Variants in COMMD10 observed in about 807,000 individuals in gnomAD.
COMMD10 encodes the protein COMM domain-containing protein 10.
COMMD10 carries 33 observed loss-of-function variants against 28.9 expected under a neutral mutation model. That is an observed-to-expected ratio of 1.14 (90% CI 0.87 to 1.53). COMMD10 has a LOEUF of 1.53. Ranked by LOEUF, COMMD10 falls within the 40% of genes most tolerant of loss-of-function variation. COMMD10 has a pLI of 0.00. For missense variants in COMMD10, 310 were observed against 233.4 expected (o/e 1.33, Z -2.14); for synonymous variants, 110 against 81.7 (o/e 1.35, Z -1.87).
intron 5 of COMMD10, among the ~76,000 whole-genome samples, chr5:116,182,869 C>T (rs1157705900): frequency 6.6e-6 from 1 of 151,994 alleles, no homozygotes; most frequent in Non-Finnish European, 1.5e-5. Flanking sequence ...GCAGTTTCCC[C>T]CATGCTGTCC....
At chr5:116,229,039 T>G (rs1030248269) in intron 5 of COMMD10, among the ~76,000 whole-genome samples, 1 of 152,014 alleles carries the variant, frequency 6.6e-6, no homozygotes, top group Non-Finnish European at 1.5e-5. Context: ...TAGAGAAGTT[T>G]CACATTAGAA....
chr5:116,176,932 C>A (rs1753532744), intron 5 of COMMD10, among the ~76,000 whole-genome samples: 1 of 152,090 alleles, frequency 6.6e-6, no homozygotes, highest in Non-Finnish European at 1.5e-5. Context: ...AAAAGAACAA[C>A]TTGGAAGAGG....
chr5:116,287,909 C>T (rs1446046456), intron 5 of COMMD10, among the ~76,000 whole-genome samples: 1 of 151,730 alleles, frequency 6.6e-6, no homozygotes, highest in Non-Finnish European at 1.5e-5. Flanking sequence ...ATTACATGTA[C>T]ATTAATATAG....
intron 5 of COMMD10, among the ~76,000 whole-genome samples, chr5:116,259,646 G>A (rs1750387706): frequency 6.6e-6 from 1 of 151,724 alleles, no homozygotes; most frequent in Non-Finnish European, 1.5e-5. Context: ...TTTACTTCTT[G>A]TACTATGTAG....
intron 5 of COMMD10, among the ~76,000 whole-genome samples, chr5:116,150,174 C>T (rs953600467): frequency 2.0e-5 from 3 of 151,966 alleles, no homozygotes; most frequent in African/African-American, 4.8e-5. Flanking sequence ...TGTAGCTATG[C>T]AGTGTTACTT....
At chr5:116,170,945 A>G (rs917087306) in intron 5 of COMMD10, among the ~76,000 whole-genome samples, 3 of 152,192 alleles carry the variant, frequency 2.0e-5, no homozygotes, top group African/African-American at 7.2e-5. Flanking sequence ...TCATGGCTAA[A>G]ACACCAAAAG....
chr5:116,236,812 G>T lies in COMMD10; in HGVS notation c.511-54705G>T, dbSNP rs573248384. Among the ~76,000 whole-genome samples the T allele has an allele frequency of 3.2e-4, 49 of 152,188 alleles. No individual in the cohort carries two copies. In the Middle Eastern group the frequency reaches 0.01, roughly 32 times the overall value. On this transcript the variant is annotated intron_variant, in intron 5 of 6. Transcript: ENST00000274458. ...GTGAACCCTAATGTAAACTATGGAC[G>T]TTGGTTGATTATGATCTGTCAGTAT...
At chr5:116,105,217 CTTG>C (rs1291268346) in intron 4 of COMMD10, among the ~76,000 whole-genome samples, 5 of 152,102 alleles carry the variant, frequency 3.3e-5, no homozygotes, top group African/African-American at 1.2e-4. Flanking sequence ...TTGAGATAAT[CTTG>C]TTGTTTTTTC....
intron 1 of COMMD10, 193 bp downstream of exon 1, chr5:116,085,286 C>T (rs1750055231): frequency 3.4e-6 from 2 of 583,590 alleles, no homozygotes; most frequent in Non-Finnish European, 6.0e-6. Flanking sequence ...CCTCTACAGT[C>T]ACGGTGGTCC....
rs533790319 is a variant in COMMD10 at position 116,135,364 on chromosome 5, C to T, written c.510+1186C>T. 2.0e-5 allele frequency among the ~76,000 whole-genome samples: 3 copies of T among 152,246 alleles called. No homozygotes were observed. In the East Asian group the frequency reaches 5.8e-4, roughly 29 times the overall value. ...TGGCTTCTTTAAGAAGTATCTAGCCCAGATTATATGACTATAAAATTCTGT... is the reference window on the plus strand; with the variant it reads ...TGGCTTCTTTAAGAAGTATCTAGCCTAGATTATATGACTATAAAATTCTGT... On this transcript the variant is annotated intron_variant, in intron 5 of 6. Coordinates refer to ENST00000274458, the MANE Select transcript of COMMD10 (RefSeq NM_016144.4).
At chr5:116,157,636 G>A (rs1315625501) in intron 5 of COMMD10, among the ~76,000 whole-genome samples, 1 of 152,172 alleles carries the variant, frequency 6.6e-6, no homozygotes, top group East Asian at 1.9e-4. Flanking sequence ...CAGATTTAAG[G>A]AATAGGGAAG....
At chr5:116,177,860 C>G (rs946496446) in intron 5 of COMMD10, among the ~76,000 whole-genome samples, 2 of 151,996 alleles carry the variant, frequency 1.3e-5, no homozygotes, top group East Asian at 3.9e-4. Flanking sequence ...AGTTTTGTTT[C>G]CTTATTCATA....
intron 5 of COMMD10, among the ~76,000 whole-genome samples, chr5:116,190,589 A>G (rs181494420): frequency 2.4e-4 from 37 of 152,332 alleles, no homozygotes; most frequent in African/African-American, 8.4e-4. Context: ...CTGGCAACCA[A>G]GAGTTCTCTG....
At chr5:116,183,123 T>C (rs866328856) in intron 5 of COMMD10, among the ~76,000 whole-genome samples, 38 of 152,206 alleles carry the variant, frequency 2.5e-4, no homozygotes, top group African/African-American at 8.9e-4. Flanking sequence ...CAGACTAATA[T>C]AATGATCATA....
intron 4 of COMMD10, among the ~76,000 whole-genome samples, chr5:116,105,775 G>C (rs562335260): frequency 1.3e-5 from 2 of 152,308 alleles, no homozygotes; most frequent in Admixed American, 1.3e-4. Flanking sequence ...TCTGATGGTA[G>C]TTTGTATTTC....
chr5:116,095,948 C>A (rs972515696), intron 4 of COMMD10, among the ~76,000 whole-genome samples: 23 of 152,044 alleles, frequency 1.5e-4, no homozygotes, highest in Admixed American at 1.5e-3. Flanking sequence ...TTTCTGGAAT[C>A]TCTCTTTGAT....
At chr5:116,124,010 A>T (rs1580465096) in intron 4 of COMMD10, among the ~76,000 whole-genome samples, 1 of 151,904 alleles carries the variant, frequency 6.6e-6, no homozygotes, top group Non-Finnish European at 1.5e-5. Context: ...GATCTTTTCA[A>T]AAAACTGGTT....
chr5:116,264,245 G>C (rs1750523589), intron 5 of COMMD10, among the ~76,000 whole-genome samples: 1 of 151,770 alleles, frequency 6.6e-6, no homozygotes, highest in African/African-American at 2.4e-5. Flanking sequence ...GCTGGGGGAA[G>C]AAAGAGGGTT....
At chr5:116,278,838 A>G (rs1750987719) in intron 5 of COMMD10, among the ~76,000 whole-genome samples, 1 of 151,796 alleles carries the variant, frequency 6.6e-6, no homozygotes, top group Admixed American at 6.6e-5. Flanking sequence ...TGTAATTACT[A>G]TTTAGCCCAT....
Sources: gnomAD v4.1 joint callset for allele counts (sites outside exome capture counted in the v4.1 genomes callset) on GRCh38, gnomAD v4.1.1 for gene constraint, MANE v1.5 for transcripts, NCBI Gene and HGNC (gene_info 2026-07-23, HGNC 2026-07-21) for gene names.